The following ADAP2 variants were observed in gnomAD, a reference collection of about 807,000 sequenced individuals.
ADAP2 encodes the protein arf-GAP with dual PH domain-containing protein 2.
In ADAP2, 42 loss-of-function variants were observed where a neutral mutation model predicts 54.9. The ratio of observed to expected loss-of-function variants is 0.77; its 90% CI spans 0.60 to 0.99. The LOEUF (loss-of-function observed/expected upper bound fraction) is 0.99, where lower values mean the gene tolerates loss of function less well. ADAP2 is among the 50% of genes least tolerant of loss of function. The pLI, the probability that ADAP2 is intolerant of heterozygous loss-of-function variation, is 0.00. For missense variants in ADAP2, 429 were observed against 480.4 expected, an observed-to-expected ratio of 0.89 and a Z score of 1.00; for synonymous variants, 177 against 180.1, an observed-to-expected ratio of 0.98 and a Z score of 0.14.
At chr17:30,957,756 T>C in intron 10 of ADAP2, 79 bp from the exon 11 acceptor site, 1 of 1,421,894 alleles carries the variant, frequency 7.0e-7, no homozygotes, top group Non-Finnish European at 9.9e-7. Flanking sequence ...TTTGTACGCC[T>C]GTCCCTTTGC....
At chr17:30,956,662 T>C in intron 10 of ADAP2, 193 bp downstream of exon 10, 1 of 638,794 alleles carries the variant, frequency 1.6e-6, no homozygotes, top group Non-Finnish European at 2.7e-6. Flanking sequence ...CTGTCCACTC[T>C]GGGTTCCCCT....
rs1905191282 is a variant in ADAP2 at position 30,957,930 on chromosome 17, G to A, written c.*61G>A. ...TGGAACTCCTTGTGGGAAGAAGTTT[G>A]CACCTCGGCCCTGGCTGCCCACCAT... On this transcript the variant is annotated 3_prime_UTR_variant, in exon 11 of 11. Transcript: ENST00000330889. The A allele has an allele frequency of 6.5e-7, 1 of 1,545,402 alleles. No homozygotes were observed. The highest frequency in any genetic ancestry group is 8.9e-7 in the Non-Finnish European group (1 of 1,127,204).
chr17:30,949,742 C>A (rs1280535167), intron 7 of ADAP2, among the ~76,000 whole-genome samples: 1 of 137,710 alleles, frequency 7.3e-6, no homozygotes, highest in Non-Finnish European at 1.5e-5. Flanking sequence ...GAGTGAGACT[C>A]CGTCTCAAAA....
At chr17:30,947,829 C>G (rs540482837) in intron 6 of ADAP2, among the ~76,000 whole-genome samples, 12 of 151,348 alleles carry the variant, frequency 7.9e-5, no homozygotes, top group South Asian at 4.1e-4. Context: ...TTTGAACAAG[C>G]CTTTAGCCTC....
intron 7 of ADAP2, among the ~76,000 whole-genome samples, chr17:30,950,709 GT>G (rs1435267371): frequency 2.0e-5 from 3 of 152,206 alleles, no homozygotes; most frequent in African/African-American, 7.2e-5. Context: ...GCCCAGGGAT[GT>G]GCTGAGATGG....
intron 2 of ADAP2, 106 bp downstream of exon 2, chr17:30,923,176 G>C: frequency 7.5e-7 from 1 of 1,339,444 alleles, no homozygotes. Flanking sequence ...ACCAGAGAGG[G>C]GCAAGTCTAG....
chr17:30,935,528 T>C (rs1022167643), intron 5 of ADAP2, among the ~76,000 whole-genome samples: 2 of 151,982 alleles, frequency 1.3e-5, no homozygotes, highest in Admixed American at 6.6e-5. Context: ...TACATGGCTA[T>C]GTGGGGGGAA....
chr17:30,937,615 G>C (rs1323949327), intron 5 of ADAP2, among the ~76,000 whole-genome samples: 1 of 152,222 alleles, frequency 6.6e-6, no homozygotes, highest in Non-Finnish European at 1.5e-5. Flanking sequence ...TAGTCAGGAA[G>C]CTGTTGCAAT....
intron 5 of ADAP2, among the ~76,000 whole-genome samples, chr17:30,941,589 A>C (rs1473404227): frequency 6.6e-6 from 1 of 152,256 alleles, no homozygotes; most frequent in Non-Finnish European, 1.5e-5. Flanking sequence ...CAGACATGTT[A>C]TAACAAGTTA....
intron 4 of ADAP2, among the ~76,000 whole-genome samples, chr17:30,932,395 G>C (rs1006292026): frequency 2.6e-5 from 4 of 151,676 alleles, no homozygotes; most frequent in Non-Finnish European, 5.9e-5. Flanking sequence ...ACCATACCTG[G>C]CTAATTTTAG....
chr17:30,946,325 A>G (rs1912677705), intron 6 of ADAP2, among the ~76,000 whole-genome samples: 1 of 151,830 alleles, frequency 6.6e-6, no homozygotes, highest in Non-Finnish European at 1.5e-5. Flanking sequence ...CTCCACCTTC[A>G]GGGTTCAAGC....
chr17:30,953,216 G>A (rs764107717), intron 7 of ADAP2, 72 bp from the exon 8 acceptor site: 23 of 1,461,430 alleles, frequency 1.6e-5, no homozygotes, highest in Non-Finnish European at 2.1e-5. Flanking sequence ...CCCTTTGTCG[G>A]GAGCCAAGCT....
At chr17:30,936,292 T>C (rs1911875657) in intron 5 of ADAP2, among the ~76,000 whole-genome samples, 1 of 152,166 alleles carries the variant, frequency 6.6e-6, no homozygotes, top group Non-Finnish European at 1.5e-5. Context: ...AGCACTGGGA[T>C]TGCAGATGCA....
At position 30,956,423 on chromosome 17, in the gene ADAP2, T is replaced by C; in HGVS notation, c.1065T>C (p.Ser355=). 2 of 1,614,086 alleles carry C rather than the reference T, an allele frequency of 1.2e-6. No homozygotes were observed. Among genetic ancestry groups the C allele is most frequent in the South Asian group, 2.2e-5 (2 of 91,062 alleles). Residue 355 remains serine (S), a synonymous_variant, in exon 10 of 11, where the codon AGT becomes AGC. Coordinates refer to ENST00000330889, the MANE Select transcript of ADAP2 (RefSeq NM_018404.3). ...AGGAACAGCAGGAATGGCTGGAAAG[T>C]TTGCGGGGTGTCCTGTCCAGCCCCT... ...SEKEQQEWLE[S]LRGVLSSPLT... is the part of the protein sequence containing the mutation.
At chr17:30,934,359 A>G (rs192185243) in intron 5 of ADAP2, 62 bp downstream of exon 5, 4 of 1,132,562 alleles carry the variant, frequency 3.5e-6, no homozygotes, top group Middle Eastern at 2.0e-4. Flanking sequence ...ACTAAGGTCT[A>G]CATTCTAATC....
intron 5 of ADAP2, among the ~76,000 whole-genome samples, chr17:30,940,516 G>T (rs1912197102): frequency 1.3e-5 from 2 of 152,080 alleles, no homozygotes; most frequent in Non-Finnish European, 1.5e-5. Context: ...TGTTGGCCAG[G>T]CTGGTCTCGA....
intron 10 of ADAP2, chr17:30,956,675 C>A (rs1196986076): frequency 8.3e-5 from 50 of 600,768 alleles, no homozygotes; most frequent in Admixed American, 6.6e-4. Context: ...GTTCCCCTAA[C>A]CGAGCCCTTC....
At chr17:30,926,717 C>A in intron 2 of ADAP2, 110 bp from the exon 3 acceptor site, 1 of 915,378 alleles carries the variant, frequency 1.1e-6, no homozygotes. Flanking sequence ...GGTGGGACAT[C>A]TCCTTCTTGG....
At chr17:30,940,089 G>A (rs115174115) in intron 5 of ADAP2, among the ~76,000 whole-genome samples, 1 of 152,188 alleles carries the variant, frequency 6.6e-6, no homozygotes, top group African/African-American at 2.4e-5. Flanking sequence ...AGCCTCCCGA[G>A]TAGCTGAGAC....
Sources: gnomAD v4.1 joint callset for allele counts (sites outside exome capture counted in the v4.1 genomes callset) on GRCh38, gnomAD v4.1.1 for gene constraint, MANE v1.5 for transcripts, NCBI Gene and HGNC (gene_info 2026-07-23, HGNC 2026-07-21) for gene names.